FAM227A: variants seen among roughly 807,000 people sequenced by gnomAD.
The protein encoded by FAM227A is protein FAM227A.
Under a neutral mutation model 74.7 loss-of-function variants are expected in FAM227A, and 80 were observed. The ratio of observed to expected loss-of-function variants is 1.07; its 90% CI spans 0.89 to 1.29. FAM227A has a LOEUF of 1.29. Among genes scored for constraint, FAM227A ranks in the 50% most tolerant of loss-of-function variants. The pLI is 0.00. For synonymous variants in FAM227A, 237 were observed against 241.8 expected, an observed-to-expected ratio of 0.98 and a Z score of 0.19; for missense variants, 654 against 683.4, an observed-to-expected ratio of 0.96 and a Z score of 0.48.
chr22:38,597,142 A>C, intron 15 of FAM227A, 62 bp downstream of exon 15: 1 of 1,488,388 alleles, frequency 6.7e-7, no homozygotes, highest in Non-Finnish European at 9.2e-7. Context: ...AAAAATGATG[A>C]TGATCGTGTG....
intron 10 of FAM227A, among the ~76,000 whole-genome samples, chr22:38,622,162 T>C (rs2091703341): frequency 6.6e-6 from 1 of 152,208 alleles, no homozygotes; most frequent in African/African-American, 2.4e-5. Context: ...TTGCCTGTAA[T>C]TAAAAGTGGG....
At chr22:38,599,960 C>A in intron 13 of FAM227A, 39 bp from the exon 14 acceptor site, 1 of 1,505,682 alleles carries the variant, frequency 6.6e-7, no homozygotes, top group South Asian at 1.3e-5. Context: ...AGGATATTGT[C>A]ATTTTTACAG....
At chr22:38,593,841 C>T (rs1405171147) in intron 15 of FAM227A, among the ~76,000 whole-genome samples, 1 of 152,108 alleles carries the variant, frequency 6.6e-6, no homozygotes, top group African/African-American at 2.4e-5. Context: ...CAGGTGTGCG[C>T]CACTACCACC....
chr22:38,626,891 A>AAAAAAATAC (rs1555966996), intron 8 of FAM227A, among the ~76,000 whole-genome samples: 1 of 57,688 alleles, frequency 1.7e-5, no homozygotes, highest in Non-Finnish European at 2.9e-5. Flanking sequence ...AAAAAAAAAA[A>AAAAAAATAC]ATATATATAT....
chr22:38,631,976 G>T (rs2091923098), intron 6 of FAM227A, among the ~76,000 whole-genome samples: 1 of 152,170 alleles, frequency 6.6e-6, no homozygotes, highest in Non-Finnish European at 1.5e-5. Flanking sequence ...GGAGACACAG[G>T]AAAGACGGTA....
chr22:38,634,498 T>C (rs1349007037), intron 6 of FAM227A, among the ~76,000 whole-genome samples: 1 of 152,200 alleles, frequency 6.6e-6, no homozygotes, highest in Non-Finnish European at 1.5e-5. Flanking sequence ...TAGGCACCTT[T>C]ACATGCATTA....
rs542147736 is a variant in FAM227A, at chr22:38,608,654, C to T, written c.1039-1178G>A. 1.6e-4 allele frequency among the ~76,000 whole-genome samples: 24 copies of T among 152,048 alleles called. No homozygotes were observed. The South Asian group carries it at 2.5e-3, about 16-fold the overall frequency. On this transcript the variant is annotated intron_variant, in intron 11 of 16. Transcript: ENST00000535113. ...CCATGATGGTCAGGTTGGTCTCGAA[C>T]TCTTGACCTCAAGTGATCCACCTGC...
intron 1 of FAM227A, among the ~76,000 whole-genome samples, chr22:38,654,094 A>T (rs918696801): frequency 6.6e-6 from 1 of 152,094 alleles, no homozygotes; most frequent in African/African-American, 2.4e-5. Context: ...CACACCTGTA[A>T]TCCCACCACT....
chr22:38,594,631 T>G (rs911027764), intron 15 of FAM227A, among the ~76,000 whole-genome samples: 12 of 152,140 alleles, frequency 7.9e-5, no homozygotes, highest in African/African-American at 2.9e-4. Context: ...TGGGGTTTTG[T>G]GAATGTGTGT....
intron 2 of FAM227A, 35 bp downstream of exon 2, chr22:38,649,987 GTATTT>G (rs2092300777): frequency 1.3e-6 from 2 of 1,545,962 alleles, no homozygotes; most frequent in African/African-American, 2.7e-5. Context: ...CAAGTTAGGT[GTATTT>G]GGTCTGATTG....
intron 3 of FAM227A, among the ~76,000 whole-genome samples, chr22:38,642,464 G>A (rs998853734): frequency 6.6e-6 from 1 of 152,144 alleles, no homozygotes; most frequent in African/African-American, 2.4e-5. Context: ...CTTGGGTTTG[G>A]CCATGACTTT....
intron 11 of FAM227A, among the ~76,000 whole-genome samples, chr22:38,608,888 C>T (rs1447915947): frequency 1.3e-5 from 2 of 150,370 alleles, no homozygotes; most frequent in Admixed American, 6.7e-5. Flanking sequence ...CTCCACCTCC[C>T]GGGTTCAAGT....
intron 12 of FAM227A, among the ~76,000 whole-genome samples, chr22:38,605,743 TG>T (rs1342341290): frequency 6.6e-6 from 1 of 152,200 alleles, no homozygotes; most frequent in Non-Finnish European, 1.5e-5. Flanking sequence ...ATGTAAGCTC[TG>T]GGGGACTTGC....
intron 11 of FAM227A, among the ~76,000 whole-genome samples, chr22:38,613,287 A>T (rs1211598001): frequency 1.2e-5 from 1 of 80,600 alleles, no homozygotes; most frequent in Non-Finnish European, 2.2e-5. Flanking sequence ...TATCATATAT[A>T]ATATATATCA....
At chr22:38,645,478 G>T in intron 3 of FAM227A, 85 bp downstream of exon 3, 1 of 763,138 alleles carries the variant, frequency 1.3e-6, no homozygotes, top group Non-Finnish European at 2.2e-6. Context: ...AAATGGAGAG[G>T]CCCCAGGGCA....
At chr22:38,637,121 A>G (rs1292927152) in intron 5 of FAM227A, among the ~76,000 whole-genome samples, 1 of 152,182 alleles carries the variant, frequency 6.6e-6, no homozygotes, top group Non-Finnish European at 1.5e-5. Context: ...TTCAATCGTA[A>G]TATGATTTAT....
chr22:38,654,859 A>G (rs1334527701), intron 1 of FAM227A, among the ~76,000 whole-genome samples: 1 of 151,530 alleles, frequency 6.6e-6, no homozygotes, highest in African/African-American at 2.4e-5. Flanking sequence ...GAGGCAGGAC[A>G]ATGGCATGAA....
At chr22:38,591,254 G>A (rs2090927183) in intron 16 of FAM227A, 181 bp downstream of exon 16, 3 of 1,207,740 alleles carry the variant, frequency 2.5e-6, no homozygotes, top group Non-Finnish European at 3.2e-6. Flanking sequence ...AGCCCAGGAG[G>A]TGGAGGCTGC....
At chr22:38,628,716 A>G in intron 7 of FAM227A, 118 bp downstream of exon 7, 1 of 698,706 alleles carries the variant, frequency 1.4e-6, no homozygotes, top group South Asian at 1.7e-5. Context: ...GTGACAGGGG[A>G]GGCTGTGGGG....
Sources: gnomAD v4.1 joint callset for allele counts (sites outside exome capture counted in the v4.1 genomes callset) on GRCh38, gnomAD v4.1.1 for gene constraint, MANE v1.5 for transcripts, NCBI Gene and HGNC (gene_info 2026-07-23, HGNC 2026-07-21) for gene names.